Variants in KLF7 observed in about 807,000 individuals in gnomAD.
The protein encoded by KLF7 is Krueppel-like factor 7.
In KLF7, 2 loss-of-function variants were observed where a neutral mutation model predicts 27.3. The observed-to-expected ratio is 0.07, with a 90% CI of 0.03 to 0.23. The LOEUF is 0.23. KLF7 is among the 10% of genes least tolerant of loss of function. The pLI is 1.00. For missense variants in KLF7, 221 were observed against 394.1 expected (o/e 0.56, Z 3.72); for synonymous variants, 165 against 162.4 (o/e 1.02, Z -0.12).
chr2:207,133,999 C>G lies in KLF7; in HGVS notation c.103-9595G>C, dbSNP rs986307206. On this transcript the variant is annotated intron_variant, in intron 1 of 3. Coordinates refer to ENST00000309446, the MANE Select transcript of KLF7 (RefSeq NM_003709.4). ...CAGCCCGCTCTTATGCACCCCCACC[C>G]GCTCCTGTTAACTTTGCACACACAC... is the stretch of plus-strand genomic sequence containing the variant. The G allele has an allele frequency of 1.7e-5, 21 of 1,251,454 alleles. No individual in the cohort carries two copies. In the East Asian group the frequency reaches 5.2e-4, roughly 31 times the overall value. 77.5% of individuals were successfully genotyped at this position (1,251,454 alleles called of 1,614,324 possible).
upstream of KLF7, chr2:207,166,822 GAGA>G (rs2078726683): frequency 2.0e-6 from 2 of 1,017,106 alleles, no homozygotes; most frequent in African/African-American, 1.7e-5. Flanking sequence ...CCAGGGTGCA[GAGA>G]AGAAGCGCCT....
chr2:207,084,222 T>A (rs1442952682), intron 3 of KLF7, among the ~76,000 whole-genome samples: 1 of 152,002 alleles, frequency 6.6e-6, no homozygotes, highest in Admixed American at 6.5e-5. Context: ...GGATTTGAGA[T>A]GGTAAGGAGT....
upstream of KLF7, among the ~76,000 whole-genome samples, chr2:207,170,580 T>A (rs2106169291): frequency 6.6e-6 from 1 of 152,292 alleles, no homozygotes; most frequent in Middle Eastern, 3.4e-3. Flanking sequence ...ACAGGTTGAT[T>A]CTCTTGTTAG....
intron 3 of KLF7, among the ~76,000 whole-genome samples, chr2:207,082,113 TTCTTTCC>T (rs2076286634): frequency 6.6e-6 from 1 of 152,172 alleles, no homozygotes; most frequent in Admixed American, 6.5e-5. Flanking sequence ...AGTGGTCATC[TTCTTTCC>T]TCTTTCCTCT....
intron 1 of KLF7, among the ~76,000 whole-genome samples, chr2:207,153,332 T>C (rs547969419): frequency 3.0e-4 from 46 of 152,134 alleles, no homozygotes; most frequent in South Asian, 1.0e-3. Context: ...GGGGAAGAAA[T>C]AGAGGGAGGT....
At chr2:207,149,742 A>C (rs946026925) in intron 1 of KLF7, among the ~76,000 whole-genome samples, 1 of 152,198 alleles carries the variant, frequency 6.6e-6, no homozygotes, top group Non-Finnish European at 1.5e-5. Context: ...CAACACAGTC[A>C]ATGTGGTCCT....
chr2:207,115,405 T>C (rs1292770243), intron 2 of KLF7, among the ~76,000 whole-genome samples: 3 of 152,316 alleles, frequency 2.0e-5, no homozygotes, highest in East Asian at 1.9e-4. Flanking sequence ...CTTATTCTCA[T>C]TGCAGACATC....
chr2:207,083,062 C>G (rs1440293110), intron 3 of KLF7, among the ~76,000 whole-genome samples: 2 of 152,210 alleles, frequency 1.3e-5, no homozygotes, highest in Non-Finnish European at 2.9e-5. Flanking sequence ...CCACTTACTT[C>G]CAGCCCTGAC....
At chr2:207,157,219 T>TAAAAAAA (rs5838052) in intron 1 of KLF7, among the ~76,000 whole-genome samples, 19 of 87,314 alleles carry the variant, frequency 2.2e-4, no homozygotes, top group East Asian at 3.2e-4. Flanking sequence ...AACAGAAAAG[T>TAAAAAAA]AAAAAAAAAA....
In KLF7 at chr2:207,079,378, TCAAA is replaced by T. The variant is rs1355286835; in HGVS notation, c.*1831_*1834del. 1 of 152,128 alleles carries T rather than the reference TCAAA, an allele frequency of 6.6e-6. No individual in the cohort carries two copies. The highest frequency in any genetic ancestry group is 2.4e-5 in the African/African-American group (1 of 41,424). The allele number at this position is 152,128 out of a possible 1,614,324, so 9.4% of individuals were successfully genotyped here. On this transcript the variant is annotated 3_prime_UTR_variant, in exon 4 of 4. Transcript: ENST00000309446. ...GGGTGGCATTTTAACAGTCAATGAGTCAAACAGTCAAAGGAGGACAGGAGGGGAG... is the reference window on the plus strand; with the variant it reads ...GGGTGGCATTTTAACAGTCAATGAGTCAGTCAAAGGAGGACAGGAGGGGAG...
At chr2:207,157,616 T>C (rs2078426389) in intron 1 of KLF7, among the ~76,000 whole-genome samples, 1 of 152,118 alleles carries the variant, frequency 6.6e-6, no homozygotes, top group South Asian at 2.1e-4. Flanking sequence ...CATGAACAGT[T>C]TGAAAGCAGG....
At chr2:207,122,019 G>A (rs2077353647) in intron 2 of KLF7, 1 of 152,226 alleles carries the variant, frequency 6.6e-6, no homozygotes, top group Non-Finnish European at 1.5e-5. Flanking sequence ...TTTCCTGGAG[G>A]GGCCAGGAGA....
intron 2 of KLF7, among the ~76,000 whole-genome samples, chr2:207,092,122 T>C (rs184053114): frequency 2.6e-5 from 4 of 152,350 alleles, no homozygotes; most frequent in Non-Finnish European, 5.9e-5. Context: ...CTCCTGGGTA[T>C]AAAACAGAAA....
intron 1 of KLF7, among the ~76,000 whole-genome samples, chr2:207,143,660 T>C (rs1157601069): frequency 6.6e-6 from 1 of 152,188 alleles, no homozygotes; most frequent in Non-Finnish European, 1.5e-5. Context: ...AAGGGTGGCA[T>C]GTCAGGCAAA....
In KLF7 at chr2:207,096,313, G is replaced by C. The variant is rs571624247; in HGVS notation, c.734-7732C>G. Among the ~76,000 whole-genome samples the C allele has an allele frequency of 4.6e-5, 7 of 152,268 alleles. No homozygotes were observed. The East Asian group carries it at 1.3e-3, about 29-fold the overall frequency. On this transcript the variant is annotated intron_variant, in intron 2 of 3. Coordinates refer to ENST00000309446, the MANE Select transcript of KLF7 (RefSeq NM_003709.4). ...CAAGACCCTGAATGCTTCACCAAAT[G>C]CAACCAACAGCAGCCCTTCTCTGTT...
intron 2 of KLF7, among the ~76,000 whole-genome samples, chr2:207,120,332 T>C (rs2077303141): frequency 6.6e-6 from 1 of 152,176 alleles, no homozygotes; most frequent in Non-Finnish European, 1.5e-5. Flanking sequence ...GAATAACACC[T>C]TAAAAATTCT....
At chr2:207,128,799 A>T (rs1450575877) in intron 1 of KLF7, among the ~76,000 whole-genome samples, 2 of 152,372 alleles carry the variant, frequency 1.3e-5, no homozygotes, top group South Asian at 4.1e-4. Flanking sequence ...ATAGCCAGTT[A>T]TTCTTTAAGT....
upstream of KLF7, among the ~76,000 whole-genome samples, chr2:207,169,533 A>C (rs999291923): frequency 2.0e-5 from 3 of 152,202 alleles, no homozygotes; most frequent in African/African-American, 7.2e-5. Flanking sequence ...ATTAAAATAC[A>C]TTCATTCTGT....
chr2:207,128,447 A>C (rs1046856109), intron 1 of KLF7, among the ~76,000 whole-genome samples: 1 of 152,252 alleles, frequency 6.6e-6, no homozygotes, highest in East Asian at 1.9e-4. Flanking sequence ...AATGATTACA[A>C]GTTAAGAATT....
Sources: gnomAD v4.1 joint callset for allele counts (sites outside exome capture counted in the v4.1 genomes callset) on GRCh38, gnomAD v4.1.1 for gene constraint, MANE v1.5 for transcripts, NCBI Gene and HGNC (gene_info 2026-07-23, HGNC 2026-07-21) for gene names.